The following RC3H1 variants were observed in gnomAD, a reference collection of about 807,000 sequenced individuals.
RC3H1 encodes the protein ring finger and CCCH-type domains 1, also known as roquin-1.
A neutral mutation model predicts 138.2 loss-of-function variants in RC3H1; 50 were observed. The ratio of observed to expected loss-of-function variants is 0.36; its 90% confidence interval spans 0.29 to 0.46. RC3H1 has a LOEUF of 0.46. RC3H1 is among the 20% of genes least tolerant of loss of function. RC3H1 has a pLI of 1.00. For missense variants in RC3H1, 1,031 were observed against 1,388.1 expected (o/e 0.74, Z 4.09); for synonymous variants, 462 against 489.1 (o/e 0.94, Z 0.73).
At chr1:173,984,693 C>T in intron 2 of RC3H1, 74 bp from the exon 3 acceptor site, 2 of 1,449,884 alleles carry the variant, frequency 1.4e-6, no homozygotes, top group Non-Finnish European at 1.9e-6. Flanking sequence ...TTTATGCACT[C>T]ATAATGCTGA....
chr1:173,957,222 T>C (rs1659687252), intron 13 of RC3H1, among the ~76,000 whole-genome samples: 2 of 152,212 alleles, frequency 1.3e-5, no homozygotes, highest in Non-Finnish European at 1.5e-5. Context: ...ATAACAATAA[T>C]AAATATGAAT....
At chr1:173,963,785 ATTACT>A (rs1366722502) in intron 11 of RC3H1, among the ~76,000 whole-genome samples, 183 bp downstream of exon 11, 2 of 151,892 alleles carry the variant, frequency 1.3e-5, no homozygotes, top group Non-Finnish European at 2.9e-5. Flanking sequence ...TTTGATTTTT[ATTACT>A]TTGTTTCATT....
intron 1 of RC3H1, among the ~76,000 whole-genome samples, chr1:174,021,492 T>TG (rs1414376303): frequency 6.7e-6 from 1 of 150,212 alleles, no homozygotes; most frequent in East Asian, 1.9e-4. Flanking sequence ...AGTTTTTTGT[T>TG]TTTTTTTTTT....
intron 1 of RC3H1, among the ~76,000 whole-genome samples, chr1:174,006,151 G>A (rs1661649474): frequency 6.6e-6 from 1 of 152,100 alleles, no homozygotes; most frequent in African/African-American, 2.4e-5. Flanking sequence ...AGGTTGCAGT[G>A]ACCTTAGATC....
chr1:174,003,089 A>G (rs1571239478), intron 1 of RC3H1, among the ~76,000 whole-genome samples: 1 of 152,158 alleles, frequency 6.6e-6, no homozygotes, highest in East Asian at 1.9e-4. Flanking sequence ...AATTACTGTG[A>G]TAAAAGCATG....
chr1:173,967,754 A>G (rs1028650421), intron 9 of RC3H1, among the ~76,000 whole-genome samples: 11 of 152,184 alleles, frequency 7.2e-5, no homozygotes, highest in African/African-American at 2.7e-4. Context: ...TTTATAAAAA[A>G]CTGTATTTGT....
At chr1:173,980,137 C>CA (rs1660752651) in intron 6 of RC3H1, among the ~76,000 whole-genome samples, 1 of 150,762 alleles carries the variant, frequency 6.6e-6, no homozygotes, top group African/African-American at 2.4e-5. Context: ...CTTGGCCTCT[C>CA]AAAGTGCTGA....
intron 2 of RC3H1, among the ~76,000 whole-genome samples, chr1:173,987,761 C>G (rs575318250): frequency 1.3e-5 from 2 of 152,032 alleles, no homozygotes; most frequent in African/African-American, 4.8e-5. Context: ...GAGATACACA[C>G]GAGATATCTC....
At chr1:174,019,421 T>C (rs905192799) in intron 1 of RC3H1, among the ~76,000 whole-genome samples, 1 of 152,194 alleles carries the variant, frequency 6.6e-6, no homozygotes, top group African/African-American at 2.4e-5. Context: ...GTAAGCTCTT[T>C]TACCTATTAA....
chr1:173,949,908 T>A (rs1659311254), intron 14 of RC3H1, among the ~76,000 whole-genome samples: 1 of 152,144 alleles, frequency 6.6e-6, no homozygotes, highest in Non-Finnish European at 1.5e-5. Context: ...GGCTCACACC[T>A]GTAATCCCAG....
rs1367802649 is a variant in RC3H1, at chr1:173,935,204, AG to A, written c.*3516del. On this transcript the variant is annotated 3_prime_UTR_variant, in exon 20 of 20. Coordinates refer to ENST00000367696, the MANE Select transcript of RC3H1 (RefSeq NM_172071.4). ...CTCTGTACGTTATCTAAGACAGGAC[AG>A]TTACTGGACTTATCTTATGACAAAA... The A allele has an allele frequency of 9.9e-5, 15 of 152,230 alleles. No individual in the cohort carries two copies. The highest frequency in any genetic ancestry group is 9.8e-4 in the Admixed American group (15 of 15,282). The allele number at this position is 152,230 out of a possible 1,614,324, so 9.4% of individuals were successfully genotyped here.
intron 2 of RC3H1, 25 bp from the exon 3 acceptor site, chr1:173,984,644 T>C: frequency 5.0e-6 from 8 of 1,606,076 alleles, no homozygotes; most frequent in Non-Finnish European, 5.9e-6. Flanking sequence ...AAAAGATCTG[T>C]ATGAGTGCTC....
At chr1:173,976,018 C>G (rs1377392454) in intron 7 of RC3H1, among the ~76,000 whole-genome samples, 2 of 145,662 alleles carry the variant, frequency 1.4e-5, no homozygotes, top group African/African-American at 2.4e-5. Context: ...TAGGATTAAA[C>G]TCTGAGAACA....
At chr1:173,992,624 C>T (rs956767403) in intron 2 of RC3H1, 131 bp downstream of exon 2, 1 of 660,588 alleles carries the variant, frequency 1.5e-6, no homozygotes, top group Non-Finnish European at 2.6e-6. Flanking sequence ...GGCAATGTTA[C>T]CCAATTTTAA....
chr1:174,014,739 T>C (rs2103104765), intron 1 of RC3H1, among the ~76,000 whole-genome samples: 1 of 152,316 alleles, frequency 6.6e-6, no homozygotes, highest in African/African-American at 2.4e-5. Flanking sequence ...ATAAAAGTAT[T>C]ACCATTTCTG....
intron 9 of RC3H1, among the ~76,000 whole-genome samples, chr1:173,966,890 A>G (rs1362170835): frequency 1.3e-5 from 2 of 152,164 alleles, no homozygotes; most frequent in Non-Finnish European, 2.9e-5. Context: ...GTTCCTTTAT[A>G]CATTAGCTTT....
At chr1:174,005,499 T>A (rs761882393) in intron 1 of RC3H1, among the ~76,000 whole-genome samples, 10 of 152,208 alleles carry the variant, frequency 6.6e-5, no homozygotes, top group Non-Finnish European at 1.5e-4. Flanking sequence ...AATATTGATG[T>A]AGGAATTTGA....
Position 173,961,146 on chromosome 1 carries a change from T to C in RC3H1, c.2301A>G (p.Glu767=). The C allele has an allele frequency of 6.2e-7, 1 of 1,614,048 alleles. No homozygotes were observed. The highest frequency in any genetic ancestry group is 8.5e-7 in the Non-Finnish European group (1 of 1,179,976). ...RRKEIMAQLE[E]RKVISPPPFA... ...AAGGAGGTGGAGAGATAACCTTTCT[T>C]TCCTCTAGCTGGGCCATTATTTCCT... is the stretch of plus-strand genomic sequence containing the variant. The change falls in exon 13 of 20, where the codon GAA becomes GAG. Residue 767 remains glutamate, a synonymous_variant. Transcript: ENST00000367696.
chr1:173,942,014 G>C (rs1400903264), intron 18 of RC3H1, among the ~76,000 whole-genome samples: 2 of 145,360 alleles, frequency 1.4e-5, no homozygotes, highest in East Asian at 4.2e-4. Flanking sequence ...TGAGGTGGGC[G>C]TATCACCCGA....
Sources: gnomAD v4.1 joint callset for allele counts (sites outside exome capture counted in the v4.1 genomes callset) on GRCh38, gnomAD v4.1.1 for gene constraint, MANE v1.5 for transcripts, NCBI Gene and HGNC (gene_info 2026-07-23, HGNC 2026-07-21) for gene names.